The following GDAP1 variants were observed in gnomAD, a reference collection of about 807,000 sequenced individuals.
GDAP1 encodes ganglioside-induced differentiation-associated protein 1.
A neutral mutation model predicts 40.1 loss-of-function variants in GDAP1; 34 were observed. That is an observed-to-expected ratio of 0.85 (90% CI 0.64 to 1.13). The LOEUF (loss-of-function observed/expected upper bound fraction) is 1.13. Among genes scored for constraint, GDAP1 ranks in the 50% most tolerant of loss-of-function variants. The pLI is 0.00. For synonymous variants in GDAP1, 170 were observed against 157.4 expected, an observed-to-expected ratio of 1.08 and a Z score of -0.60; for missense variants, 374 against 433.7, an observed-to-expected ratio of 0.86 and a Z score of 1.22.
chr8:74,423,867 A>G (rs1805914150), intron 2 of GDAP1, among the ~76,000 whole-genome samples: 1 of 152,150 alleles, frequency 6.6e-6, no homozygotes, highest in African/African-American at 2.4e-5. Context: ...TGTTGTAGAA[A>G]AAACCTTCTT....
intron 2 of GDAP1, among the ~76,000 whole-genome samples, chr8:74,441,758 A>G (rs1806164823): frequency 6.6e-6 from 1 of 152,216 alleles, no homozygotes; most frequent in Admixed American, 6.5e-5. Context: ...TTATAATCTA[A>G]TATAGTATCT....
At chr8:74,487,324 A>G (rs1806788626) in intron 2 of GDAP1, among the ~76,000 whole-genome samples, 1 of 152,126 alleles carries the variant, frequency 6.6e-6, no homozygotes, top group Non-Finnish European at 1.5e-5. Flanking sequence ...GAAAACTAAG[A>G]TATATTATTA....
intron 2 of GDAP1, among the ~76,000 whole-genome samples, chr8:74,400,108 T>G (rs950148747): frequency 6.7e-6 from 1 of 149,210 alleles, no homozygotes; most frequent in Non-Finnish European, 1.5e-5. Context: ...GTATCCTTGT[T>G]GACTTGCTGT....
chr8:74,374,108 C>T (rs1809806690), intron 2 of GDAP1, among the ~76,000 whole-genome samples: 1 of 152,090 alleles, frequency 6.6e-6, no homozygotes, highest in African/African-American at 2.4e-5. Flanking sequence ...GGATGAAGAC[C>T]ACTTGATCAT....
intron 2 of GDAP1, among the ~76,000 whole-genome samples, chr8:74,391,128 G>A (rs999443731): frequency 6.6e-6 from 1 of 152,060 alleles, no homozygotes; most frequent in African/African-American, 2.4e-5. Flanking sequence ...ATGGGGGTGG[G>A]ATCTGCTGAG....
intron 2 of GDAP1, among the ~76,000 whole-genome samples, chr8:74,464,078 TG>T (rs1344492038): frequency 1.3e-5 from 2 of 152,208 alleles, no homozygotes; most frequent in Non-Finnish European, 1.5e-5. Flanking sequence ...AAGGTGCTGC[TG>T]GTGCCTGAGT....
At chr8:74,433,511 C>G (rs1277733715) in intron 2 of GDAP1, among the ~76,000 whole-genome samples, 2 of 152,104 alleles carry the variant, frequency 1.3e-5, no homozygotes, top group African/African-American at 4.8e-5. Flanking sequence ...AAGTATCTTA[C>G]TTTTTGCATA....
chr8:74,465,777 GTTT>G (rs34707830), intron 2 of GDAP1, among the ~76,000 whole-genome samples: 1 of 145,354 alleles, frequency 6.9e-6, no homozygotes. Context: ...ATCACACCAA[GTTT>G]TTTTTTTTTT....
intron 2 of GDAP1, among the ~76,000 whole-genome samples, chr8:74,446,095 C>T (rs1422256515): frequency 3.3e-5 from 5 of 152,060 alleles, no homozygotes; most frequent in Admixed American, 3.3e-4. Context: ...AAATAAAAAC[C>T]TTTTGCCTTT....
At chr8:74,445,723 G>T (rs1412224627) in intron 2 of GDAP1, among the ~76,000 whole-genome samples, 1 of 152,034 alleles carries the variant, frequency 6.6e-6, no homozygotes, top group Non-Finnish European at 1.5e-5. Context: ...ATATTTACTT[G>T]TTCTAGATTG....
At chr8:74,403,991 T>C (rs1805603369) in intron 2 of GDAP1, among the ~76,000 whole-genome samples, 1 of 150,108 alleles carries the variant, frequency 6.7e-6, no homozygotes. Context: ...AGGATAGTAT[T>C]TTGAGTTTAT....
At chr8:74,361,684 C>T (rs1015190488) in intron 3 of GDAP1, among the ~76,000 whole-genome samples, 200 bp from the exon 4 acceptor site, 25 of 152,238 alleles carry the variant, frequency 1.6e-4, no homozygotes, top group Admixed American at 1.1e-3. Context: ...TGTGAGCCAC[C>T]GCGCCCAGCC....
chr8:74,487,019 C>G (rs568512856), intron 2 of GDAP1, among the ~76,000 whole-genome samples: 18 of 152,276 alleles, frequency 1.2e-4, no homozygotes, highest in Non-Finnish European at 2.6e-4. Context: ...CTCTCCAAGC[C>G]TCCATTTCCA....
chr8:74,433,314 T>G (rs1806050140), intron 2 of GDAP1, among the ~76,000 whole-genome samples: 1 of 152,228 alleles, frequency 6.6e-6, no homozygotes, highest in Non-Finnish European at 1.5e-5. Flanking sequence ...CCCCCTTCCC[T>G]TCCTAACTCC....
intron 2 of GDAP1, among the ~76,000 whole-genome samples, chr8:74,393,123 TG>T (rs1435015327): frequency 6.6e-6 from 1 of 152,220 alleles, no homozygotes; most frequent in African/African-American, 2.4e-5. Flanking sequence ...TTGCATCATA[TG>T]GGGTAATATT....
chr8:74,478,757 C>T (rs1806668630), intron 2 of GDAP1, among the ~76,000 whole-genome samples: 1 of 152,200 alleles, frequency 6.6e-6, no homozygotes, highest in African/African-American at 2.4e-5. Flanking sequence ...GCCCCTACCA[C>T]TTGTCTAAGC....
chr8:74,460,234 T>C (rs966787237), intron 2 of GDAP1, among the ~76,000 whole-genome samples: 2 of 152,248 alleles, frequency 1.3e-5, no homozygotes, highest in African/African-American at 2.4e-5. Flanking sequence ...ATACATAATG[T>C]TCCTTAAATT....
In GDAP1 at chr8:74,442,041, C is replaced by T. The variant is rs200759695; in HGVS notation, c.166-46637C>T. ...ATTTTCTTCATGCTCGTGGCCAGGGCTTTCTTGCTACCATTTAAAACTTTC... is the reference window on the plus strand; with the variant it reads ...ATTTTCTTCATGCTCGTGGCCAGGGTTTTCTTGCTACCATTTAAAACTTTC... On this transcript the variant is annotated intron_variant, in intron 2 of 2. Transcript: ENST00000523640. Among the ~76,000 whole-genome samples, 16 of 152,286 alleles carry T rather than the reference C, an allele frequency of 1.1e-4. No individual in the cohort carries two copies. The East Asian group carries it at 2.1e-3, about 20-fold the overall frequency.
rs377497809 is a variant in GDAP1 at position 74,356,716 on chromosome 8, ATT to A, written c.311-3405_311-3404del. 3.6e-3 allele frequency among the ~76,000 whole-genome samples: 372 copies of A among 104,302 alleles called. 2 individuals are homozygous for A. Among genetic ancestry groups the A allele is most frequent in the Middle Eastern group, 6.9e-3 (1 of 144 alleles). The allele number at this position is 104,302 out of a possible 152,430, so 68.4% of individuals were successfully genotyped here. On this transcript the variant is annotated intron_variant, in intron 2 of 5. Transcript: ENST00000220822. ...TTTGTGTGTGTGTATATATATATAT[ATT>A]TTTTTTTTTTTTTTTGAGACGGAGT...
Sources: gnomAD v4.1 joint callset for allele counts (sites outside exome capture counted in the v4.1 genomes callset) on GRCh38, gnomAD v4.1.1 for gene constraint, MANE v1.5 for transcripts, NCBI Gene and HGNC (gene_info 2026-07-23, HGNC 2026-07-21) for gene names.